The following SNRPN variants were observed in gnomAD, a reference collection of about 807,000 sequenced individuals.
SNRPN encodes small nuclear ribonucleoprotein polypeptide N, also known as small nuclear ribonucleoprotein-associated protein N.
SNRPN carries 7 observed loss-of-function variants against 25.2 expected under a neutral mutation model. The ratio of observed to expected loss-of-function variants is 0.28; its 90% CI spans 0.16 to 0.52. The LOEUF is 0.52. SNRPN is among the 20% of genes least tolerant of loss of function. The pLI, the probability that SNRPN is intolerant of heterozygous loss-of-function variation, is 0.96. For synonymous variants in SNRPN, 124 were observed against 110.6 expected, an observed-to-expected ratio of 1.12 and a Z score of -0.76; for missense variants, 196 against 322.5, an observed-to-expected ratio of 0.61 and a Z score of 3.00.
rs911522372 is a variant in SNRPN at position 24,857,230 on chromosome 15, C to T, written c.-579+514C>T. On this transcript the variant is annotated intron_variant, in intron 1 of 11. Transcript: ENST00000400097. ...AAATGTAGAGACAGTCACTGCACTG[C>T]GCAAATAGGAATGTCGTCATGTTGT... Among the ~76,000 whole-genome samples the T allele has an allele frequency of 9.2e-5, 14 of 152,292 alleles. No homozygotes were observed. In the South Asian group the frequency reaches 1.7e-3, roughly 18 times the overall value.
chr15:24,893,223 ACAAACAAAC>A (rs1375521445), intron 2 of SNRPN, among the ~76,000 whole-genome samples: 4 of 123,022 alleles, frequency 3.3e-5, no homozygotes, highest in Admixed American at 2.4e-4. Context: ...AAACAAACAA[ACAAACAAAC>A]AAAAACAGAA....
intron 3 of SNRPN, among the ~76,000 whole-genome samples, chr15:24,934,408 C>T (rs530211303): frequency 1.4e-4 from 21 of 152,304 alleles, no homozygotes; most frequent in African/African-American, 4.6e-4. Context: ...GGAATACACT[C>T]ATGCCCACTT....
At chr15:24,834,224 TG>T (rs2050812402) in intron 2 of SNRPN, among the ~76,000 whole-genome samples, 2 of 152,138 alleles carry the variant, frequency 1.3e-5, no homozygotes, top group Non-Finnish European at 2.9e-5. Context: ...GTGCCCAGCC[TG>T]TAAATGCCCA....
At chr15:24,918,420 G>GTATATATAACATAATATATATGTGTA (rs1566908735) in intron 2 of SNRPN, among the ~76,000 whole-genome samples, 1 of 36,772 alleles carries the variant, frequency 2.7e-5, no homozygotes, top group Non-Finnish European at 5.0e-5. Flanking sequence ...ATATATATGT[G>GTATATATAACATAATATATATGTGTA]TATATATAAC....
chr15:24,911,181 G>C, intron 2 of SNRPN: 1 of 490,368 alleles, frequency 2.0e-6, no homozygotes, highest in Non-Finnish European at 3.4e-6. Context: ...TATTTTTAAA[G>C]GGAAGTTGAA....
Position 24,938,313 on chromosome 15 carries a change from A to G in SNRPN, c.-391+18189A>G, listed in dbSNP as rs1251579642. ...GGCGAACTTTTTATATTTTTGGTAG[A>G]TTGGGGGTTTCACCATGTTGGCCAG... is the stretch of plus-strand genomic sequence containing the variant. On this transcript the variant is annotated intron_variant, in intron 3 of 11. Transcript: ENST00000400097. Among the ~76,000 whole-genome samples, 9 of 152,042 alleles carry G rather than the reference A, an allele frequency of 5.9e-5. No homozygotes were observed. In the South Asian group the frequency reaches 1.9e-3, roughly 32 times the overall value.
At chr15:24,882,992 T>G (rs1189288145) in intron 1 of SNRPN, among the ~76,000 whole-genome samples, 1 of 152,080 alleles carries the variant, frequency 6.6e-6, no homozygotes, top group Non-Finnish European at 1.5e-5. Context: ...TATAATAAAG[T>G]GTTGAATATC....
intron 2 of SNRPN, among the ~76,000 whole-genome samples, chr15:24,918,223 G>A (rs1382588514): frequency 6.6e-6 from 1 of 150,864 alleles, no homozygotes; most frequent in African/African-American, 2.4e-5. Flanking sequence ...AGAGGCCAGA[G>A]ACAAGGACTT....
chr15:24,883,036 C>T (rs1471434340), intron 1 of SNRPN, among the ~76,000 whole-genome samples: 1 of 151,982 alleles, frequency 6.6e-6, no homozygotes, highest in African/African-American at 2.4e-5. Context: ...AAGTGAAAAA[C>T]AATGGTTGTG....
Position 24,909,483 on chromosome 15 carries a change from C to A in SNRPN, c.-504-10528C>A, listed in dbSNP as rs1352239092. The A allele has an allele frequency of 3.8e-6, 6 of 1,570,062 alleles. 1 individual carries two copies. Among genetic ancestry groups the A allele is most frequent in the African/African-American group, 1.3e-5 (1 of 74,328 alleles). ...TGGCCTTCATAGATCTTGTCCATGC[C>A]AAACCTACTGAGAAGCCTGCGGGCC... On this transcript the variant is annotated intron_variant, in intron 2 of 11. Coordinates refer to the SNRPN transcript ENST00000400097.
chr15:24,969,944 G>A (rs1203813848), intron 3 of SNRPN, among the ~76,000 whole-genome samples: 2 of 152,184 alleles, frequency 1.3e-5, no homozygotes, highest in Admixed American at 6.5e-5. Flanking sequence ...TTGAATGACA[G>A]GCAAAGCCTA....
intron 2 of SNRPN, among the ~76,000 whole-genome samples, chr15:24,914,975 A>G (rs2152323931): frequency 6.6e-6 from 1 of 152,144 alleles, no homozygotes; most frequent in East Asian, 1.9e-4. Context: ...CATCAGGGAT[A>G]AGGGGGATTC....
chr15:24,850,663 C>G (rs1321256717), intron 2 of SNRPN: 2 of 152,170 alleles, frequency 1.3e-5, no homozygotes, highest in Non-Finnish European at 1.5e-5. Context: ...AGAACATCTT[C>G]CTTCATCAAG....
In SNRPN at chr15:24,928,581, A is replaced by G. The variant is rs189886463; in HGVS notation, c.-391+8457A>G. Among the ~76,000 whole-genome samples, 440 of 152,194 alleles carry G rather than the reference A, an allele frequency of 2.9e-3. 5 individuals carry two copies. Among genetic ancestry groups the G allele is most frequent in the Non-Finnish European group, 4.0e-3 (271 of 68,010 alleles). ...ATGGTCAGTATCAAAAAAAATTGTC[A>G]TTCTACAGTGCTGCAGAACATTAGA... On this transcript the variant is annotated intron_variant, in intron 3 of 11. Transcript: ENST00000400097.
At chr15:24,966,550 CTTTG>C (rs1356472540) in intron 2 of SNRPN, among the ~76,000 whole-genome samples, 4 of 152,202 alleles carry the variant, frequency 2.6e-5, no homozygotes, top group Non-Finnish European at 2.9e-5. Context: ...ACCCTTTAGT[CTTTG>C]TTTGATCTTT....
intron 1 of SNRPN, among the ~76,000 whole-genome samples, chr15:24,870,888 C>A (rs747344686): frequency 1.4e-5 from 2 of 147,662 alleles, no homozygotes; most frequent in African/African-American, 5.0e-5. Context: ...TTGTTTGTTT[C>A]TTTGTTTTTT....
At chr15:24,969,857 A>G (rs1408150264) in intron 3 of SNRPN, among the ~76,000 whole-genome samples, 3 of 152,206 alleles carry the variant, frequency 2.0e-5, no homozygotes, top group Non-Finnish European at 4.4e-5. Context: ...TTATTGGAAC[A>G]CAACTCAGTT....
chr15:24,893,810 T>A (rs887729115), intron 2 of SNRPN, among the ~76,000 whole-genome samples: 1 of 151,852 alleles, frequency 6.6e-6, no homozygotes, highest in Non-Finnish European at 1.5e-5. Flanking sequence ...GAGATGTGCC[T>A]CCCTCAGTCC....
At chr15:24,837,352 G>A (rs1313464787) in intron 2 of SNRPN, among the ~76,000 whole-genome samples, 1 of 148,014 alleles carries the variant, frequency 6.8e-6, no homozygotes, top group Admixed American at 6.8e-5. Flanking sequence ...CATATATTGC[G>A]ACTTGAGGGG....
Sources: gnomAD v4.1 joint callset for allele counts (sites outside exome capture counted in the v4.1 genomes callset) on GRCh38, gnomAD v4.1.1 for gene constraint, MANE v1.5 for transcripts, NCBI Gene and HGNC (gene_info 2026-07-23, HGNC 2026-07-21) for gene names.